The following CDH13 variants were observed in gnomAD, a reference collection of about 807,000 sequenced individuals.
CDH13 encodes cadherin-13.
A neutral mutation model predicts 63.8 loss-of-function variants in CDH13; 24 were observed. That is an observed-to-expected ratio of 0.38 (90% CI 0.27 to 0.53). The LOEUF is 0.53. Among genes scored for constraint, CDH13 ranks in the 20% least tolerant of loss-of-function variants. The pLI is 0.85. For missense variants in CDH13, 1,049 were observed against 903.1 expected (o/e 1.16, Z -2.07); for synonymous variants, 503 against 355.3 (o/e 1.42, Z -4.67).
At chr16:83,202,601 A>G (rs1007830310) in intron 4 of CDH13, among the ~76,000 whole-genome samples, 36 of 152,330 alleles carry the variant, frequency 2.4e-4, no homozygotes, top group African/African-American at 8.4e-4. Flanking sequence ...TACTATTTAC[A>G]TTTCCAGGCA....
chr16:83,153,200 A>G (rs112582722), intron 4 of CDH13, among the ~76,000 whole-genome samples: 5,039 of 152,182 alleles, frequency 0.033, 106 homozygotes, highest in East Asian at 0.11. Flanking sequence ...GGGGAGGGGC[A>G]GTGAGTTGGG....
intron 5 of CDH13, among the ~76,000 whole-genome samples, chr16:83,237,647 CTT>C (rs1904276219): frequency 6.6e-6 from 1 of 152,206 alleles, no homozygotes; most frequent in Non-Finnish European, 1.5e-5. Context: ...TGAAAACTGT[CTT>C]TAGCATCACG....
intron 7 of CDH13, among the ~76,000 whole-genome samples, chr16:83,554,919 CTTTTTTT>C (rs200979734): frequency 1.5e-5 from 2 of 133,806 alleles, no homozygotes; most frequent in Non-Finnish European, 3.1e-5. Flanking sequence ...ACTGCTGAAT[CTTTTTTT>C]TTTTTTTTTT....
intron 2 of CDH13, among the ~76,000 whole-genome samples, chr16:83,023,688 C>A (rs1478962706): frequency 6.6e-6 from 1 of 152,328 alleles, no homozygotes; most frequent in Non-Finnish European, 1.5e-5. Context: ...GCTCAATTCA[C>A]ATATGGTCTT....
At chr16:83,150,159 G>A (rs1008507685) in intron 4 of CDH13, among the ~76,000 whole-genome samples, 5 of 151,510 alleles carry the variant, frequency 3.3e-5, no homozygotes, top group African/African-American at 1.2e-4. Flanking sequence ...GACTTTGTCT[G>A]TAACTTTCAA....
chr16:83,559,974 C>G (rs7190254), intron 7 of CDH13, among the ~76,000 whole-genome samples: 1 of 152,066 alleles, frequency 6.6e-6, no homozygotes, highest in Non-Finnish European at 1.5e-5. Context: ...CGATGGAGGC[C>G]TCATTGCCTG....
intron 6 of CDH13, among the ~76,000 whole-genome samples, chr16:83,355,752 A>G (rs2091039619): frequency 6.6e-6 from 1 of 152,204 alleles, no homozygotes; most frequent in Non-Finnish European, 1.5e-5. Context: ...AAGTCAGTAA[A>G]TAAAGCATCA....
chr16:83,465,826 G>A (rs2073300502), intron 6 of CDH13, among the ~76,000 whole-genome samples: 2 of 152,210 alleles, frequency 1.3e-5, no homozygotes, highest in East Asian at 1.9e-4. Flanking sequence ...AGCCGAGGAA[G>A]CATCTCACAA....
chr16:82,917,562 A>G (rs2042027555), intron 2 of CDH13, among the ~76,000 whole-genome samples: 1 of 152,202 alleles, frequency 6.6e-6, no homozygotes, highest in African/African-American at 2.4e-5. Context: ...AAAATGATAC[A>G]TTCAAAGAAG....
intron 5 of CDH13, among the ~76,000 whole-genome samples, chr16:83,265,501 G>T (rs546422501): frequency 2.0e-5 from 3 of 151,928 alleles, no homozygotes; most frequent in Admixed American, 2.0e-4. Context: ...AAAATACTTC[G>T]TACATTTCTT....
At chr16:83,253,828 TA>T (rs1192225651) in intron 5 of CDH13, among the ~76,000 whole-genome samples, 1 of 152,240 alleles carries the variant, frequency 6.6e-6, no homozygotes, top group Non-Finnish European at 1.5e-5. Flanking sequence ...CACATCCATG[TA>T]ATATATTAAT....
At chr16:83,287,899 C>T (rs1360816857) in intron 5 of CDH13, among the ~76,000 whole-genome samples, 1 of 151,958 alleles carries the variant, frequency 6.6e-6, no homozygotes, top group Non-Finnish European at 1.5e-5. Context: ...CATAGAAGTC[C>T]ATGAGAAGTA....
intron 4 of CDH13, among the ~76,000 whole-genome samples, chr16:83,136,335 A>G (rs949395421): frequency 2.6e-5 from 4 of 151,592 alleles, no homozygotes; most frequent in African/African-American, 9.7e-5. Flanking sequence ...ATACAACAAA[A>G]ATTAGCCGGG....
At chr16:83,212,849 T>C (rs1297936205) in intron 4 of CDH13, among the ~76,000 whole-genome samples, 2 of 152,210 alleles carry the variant, frequency 1.3e-5, no homozygotes, top group Non-Finnish European at 2.9e-5. Flanking sequence ...GCGTTTTTAA[T>C]GAGTTCCCAG....
At chr16:82,973,665 G>T (rs1484734338) in intron 2 of CDH13, among the ~76,000 whole-genome samples, 1 of 152,180 alleles carries the variant, frequency 6.6e-6, no homozygotes, top group Admixed American at 6.5e-5. Flanking sequence ...GCTGCAGCGG[G>T]TCAAGGATGG....
intron 1 of CDH13, among the ~76,000 whole-genome samples, chr16:82,689,389 G>T (rs1915409360): frequency 1.3e-5 from 2 of 151,972 alleles, no homozygotes; most frequent in Admixed American, 6.5e-5. Context: ...TATCATTTGG[G>T]TCCATTATTA....
intron 1 of CDH13, among the ~76,000 whole-genome samples, chr16:82,675,894 G>T (rs1913842853): frequency 6.6e-6 from 1 of 152,180 alleles, no homozygotes; most frequent in South Asian, 2.1e-4. Context: ...TCTGAACCTA[G>T]ACCATATCCT....
At chr16:83,467,815 G>A (rs1353571329) in intron 6 of CDH13, among the ~76,000 whole-genome samples, 1 of 152,108 alleles carries the variant, frequency 6.6e-6, no homozygotes, top group Non-Finnish European at 1.5e-5. Context: ...ACCAAACAAG[G>A]ACAATAATGG....
intron 10 of CDH13, among the ~76,000 whole-genome samples, chr16:83,737,957 G>A (rs938737831): frequency 6.6e-6 from 1 of 152,216 alleles, no homozygotes; most frequent in African/African-American, 2.4e-5. Flanking sequence ...CTACCTCCCA[G>A]GTTGATGAGG....
Sources: gnomAD v4.1 joint callset for allele counts (sites outside exome capture counted in the v4.1 genomes callset) on GRCh38, gnomAD v4.1.1 for gene constraint, MANE v1.5 for transcripts, NCBI Gene and HGNC (gene_info 2026-07-23, HGNC 2026-07-21) for gene names.